The following HUWE1 variants were observed in gnomAD, a reference collection of about 807,000 sequenced individuals.
The protein encoded by HUWE1 is E3 ubiquitin-protein ligase HUWE1.
In HUWE1, 18 loss-of-function variants were observed where a neutral mutation model predicts 299.4. The observed-to-expected ratio is 0.06, with a 90% confidence interval of 0.04 to 0.09. HUWE1 has a LOEUF of 0.09. Ranked by LOEUF, HUWE1 falls within the 10% of genes least tolerant of loss-of-function variation. HUWE1 has a pLI of 1.00. For missense variants in HUWE1, 1,832 were observed against 3,462.3 expected, an observed-to-expected ratio of 0.53 and a Z score of 11.82; for synonymous variants, 1,317 against 1,286.1, an observed-to-expected ratio of 1.02 and a Z score of -0.51.
chrX:53,594,075 C>A (rs1453417179), intron 31 of HUWE1, among the ~76,000 whole-genome samples: 1 of 110,244 alleles, frequency 9.1e-6, no homozygotes, highest in Non-Finnish European at 1.9e-5. Context: ...CCAGCCTGGG[C>A]GACAGAGCCA....
chrX:53,573,366 G>T (rs2062931948), intron 47 of HUWE1, among the ~76,000 whole-genome samples: 1 of 111,593 alleles, frequency 9.0e-6, no homozygotes, highest in South Asian at 3.7e-4. Context: ...TGCCTCCTGG[G>T]TTCAAGTGAT....
At chrX:53,583,492 C>A in intron 42 of HUWE1, 66 bp downstream of exon 42, 1 of 796,584 alleles carries the variant, frequency 1.3e-6, no homozygotes, top group Non-Finnish European at 1.9e-6. Context: ...TCTATTTGTT[C>A]TCAGACCAAG....
chrX:53,671,108 T>A (rs1362569210), intron 3 of HUWE1, among the ~76,000 whole-genome samples: 3 of 111,051 alleles, frequency 2.7e-5, no homozygotes, highest in Admixed American at 9.6e-5. Flanking sequence ...TGTCACGCAA[T>A]GGACTTTGGG....
At position 53,554,928 on chromosome X, in the gene HUWE1, G is replaced by A. The variant is rs781932659; in HGVS notation, c.8207-8C>T. 8.6e-7 allele frequency: 1 copy of A among 1,158,133 alleles called. No individual in the cohort carries two copies. The highest frequency in any genetic ancestry group is 1.2e-6 in the Non-Finnish European group (1 of 866,289). On this transcript the variant is annotated splice_polypyrimidine_tract_variant and splice_region_variant and intron_variant, in intron 60 of 83. Coordinates refer to ENST00000262854, the MANE Select transcript of HUWE1 (RefSeq NM_031407.7). ...CAGGCATAGGCGTCCCATCTTTCTC[G>A]GAAAGAACAATAATAGTGGTTAAGG...
chrX:53,548,930 T>A, intron 67 of HUWE1, 29 bp downstream of exon 67: 1 of 1,154,745 alleles, frequency 8.7e-7, no homozygotes, highest in Non-Finnish European at 1.2e-6. Context: ...CCTTCTTCCA[T>A]CCCCAGGAGT....
At chrX:53,651,099 G>C (rs189850957) in intron 4 of HUWE1, among the ~76,000 whole-genome samples, 1 of 110,566 alleles carries the variant, frequency 9.0e-6, no homozygotes, top group African/African-American at 3.3e-5. Flanking sequence ...AACTACACTG[G>C]GTTACAAATA....
chrX:53,548,930 T>C (rs1556925775), intron 67 of HUWE1, 29 bp downstream of exon 67: 1 of 1,154,744 alleles, frequency 8.7e-7, no homozygotes, highest in Non-Finnish European at 1.2e-6. Context: ...CCTTCTTCCA[T>C]CCCCAGGAGT....
At chrX:53,602,084 A>C (rs946878335) in intron 28 of HUWE1, among the ~76,000 whole-genome samples, 2 of 112,431 alleles carry the variant, frequency 1.8e-5, no homozygotes, top group East Asian at 5.5e-4. Context: ...TAGTAGCCAC[A>C]TTAAAAAGTA....
rs781999689 is a variant in HUWE1 at position 53,622,561 on chromosome X, G to A, written c.1672+2034C>T. Among the ~76,000 whole-genome samples the A allele has an allele frequency of 2.0e-3, 221 of 111,163 alleles. 1 individual carries two copies. The highest frequency in any genetic ancestry group is 9.2e-3 in the Middle Eastern group (2 of 218). ...ACAGACTCAACTCATAGAGGTTACC[G>A]AGACATGTTGTAACTCCTGACAGAC... On this transcript the variant is annotated intron_variant, in intron 19 of 83. Transcript: ENST00000262854.
At chrX:53,645,736 AATATATATATATATATATAT>A (rs1175668846) in intron 6 of HUWE1, among the ~76,000 whole-genome samples, 2 of 26,132 alleles carry the variant, frequency 7.7e-5, no homozygotes, top group African/African-American at 3.0e-4. Context: ...AAAAAAAAAA[AATATATATATATATATATAT>A]ATATATATAT....
At position 53,551,192 on chromosome X, in the gene HUWE1, A is replaced by G; in HGVS notation, c.9097-3T>C. 8.3e-7 allele frequency: 1 copy of G among 1,211,512 alleles called. No homozygotes were observed. Among genetic ancestry groups the G allele is most frequent in the Non-Finnish European group, 1.1e-6 (1 of 895,431 alleles). Reference sequence around the variant, plus strand: ...TCAGCTCTCTGCTGTGCCAGTACCTATGGAGCAGAAAAAGTCAATGAGGGC... The same window carrying G: ...TCAGCTCTCTGCTGTGCCAGTACCTGTGGAGCAGAAAAAGTCAATGAGGGC... On this transcript the variant is annotated splice_polypyrimidine_tract_variant and splice_region_variant and intron_variant, in intron 64 of 83. Coordinates refer to ENST00000262854, the MANE Select transcript of HUWE1 (RefSeq NM_031407.7).
intron 8 of HUWE1, 133 bp downstream of exon 8, chrX:53,634,103 G>A: frequency 3.6e-6 from 2 of 548,954 alleles, no homozygotes; most frequent in Non-Finnish European, 6.5e-6. Context: ...AGCTATGTCT[G>A]AACTGATCTT....
Position 53,539,774 on chromosome X carries a change from C to T in HUWE1, c.11515G>A (p.Glu3839Lys), listed in dbSNP as rs2061256692. 1 of 1,209,383 alleles carries T rather than the reference C, an allele frequency of 8.3e-7. No individual in the cohort carries two copies. The highest frequency in any genetic ancestry group is 1.7e-5 in the African/African-American group (1 of 57,296). The change falls in exon 75 of 84, where the codon GAA becomes AAA. Residue 3839 changes from glutamate (E) to lysine (K), a missense_variant. Physicochemically the swap from Glu to Lys is moderately conservative, Grantham distance 56. Coordinates refer to ENST00000262854, the MANE Select transcript of HUWE1 (RefSeq NM_031407.7). ...AGCAGGGGTAACTCAGGTGGTCTTT[C>T]TTCCTTTTCCTTCTCCCCCTGTGGG... ...GTPQGEKEKEERPPELPLLSE... is the reference protein window; with the variant it reads ...GTPQGEKEKEKRPPELPLLSE...
rs1556927856 is a variant in HUWE1 at position 53,550,695 on chromosome X, G to C, written c.9459C>G (p.Phe3153Leu). 3 of 1,211,584 alleles carry C rather than the reference G, an allele frequency of 2.5e-6. No homozygotes were observed. Among genetic ancestry groups the C allele is most frequent in the Non-Finnish European group, 3.4e-6 (3 of 895,327 alleles). The stretch of plus-strand genomic sequence containing the variant: ...TATGGCTGCTGCTACCCCCCATCTG[G>C]AAGGTGCCACCTCTCTGCACAGCAA... The part of the protein sequence containing the change: ...TRLAVQRGGT[F>L]QMGGSSSHNR... Residue 3153 changes from phenylalanine (F) to leucine (L), a missense_variant, in exon 66 of 84, where the codon TTC becomes TTG. Physicochemically the swap from Phe to Leu is conservative, Grantham distance 22 (BLOSUM62 0). Coordinates refer to ENST00000262854, the MANE Select transcript of HUWE1 (RefSeq NM_031407.7).
intron 44 of HUWE1, among the ~76,000 whole-genome samples, chrX:53,576,258 T>A (rs782698970): frequency 8.9e-6 from 1 of 112,033 alleles, no homozygotes; most frequent in Non-Finnish European, 1.9e-5. Flanking sequence ...GGCAATTCTG[T>A]GGACCTATCA....
chrX:53,676,366 T>C (rs782450979), intron 3 of HUWE1, among the ~76,000 whole-genome samples: 3 of 111,482 alleles, frequency 2.7e-5, no homozygotes, highest in African/African-American at 9.8e-5. Context: ...AATCCGGAAC[T>C]GCCTGGGCTC....
At chrX:53,568,031 C>T (rs1177963932) in intron 49 of HUWE1, among the ~76,000 whole-genome samples, 1 of 111,720 alleles carries the variant, frequency 9.0e-6, no homozygotes, top group East Asian at 2.8e-4. Context: ...ACGGTCGCTT[C>T]AACAAGCTGG....
chrX:53,648,385 C>A, intron 4 of HUWE1, 75 bp from the exon 5 acceptor site: 2 of 591,811 alleles, frequency 3.4e-6, no homozygotes, highest in South Asian at 4.8e-5. Flanking sequence ...AGAAAAGGAA[C>A]CCTTAAGCTC....
chrX:53,649,530 T>C (rs782650930), intron 4 of HUWE1, among the ~76,000 whole-genome samples: 2 of 112,372 alleles, frequency 1.8e-5, no homozygotes, highest in South Asian at 7.4e-4. Context: ...TTTCTCCCTC[T>C]AAGCATTATT....
Sources: allele counts gnomAD v4.1 joint callset (sites outside exome capture counted in the v4.1 genomes callset), GRCh38; gene constraint gnomAD v4.1.1; transcripts MANE v1.5; gene names NCBI Gene and HGNC (gene_info 2026-07-23, HGNC 2026-07-21).